AGBL4: variants seen among roughly 807,000 people sequenced by gnomAD.
AGBL4 encodes AGBL carboxypeptidase 4, also known as cytosolic carboxypeptidase 6.
AGBL4 carries 58 observed loss-of-function variants against 66.4 expected under a neutral mutation model. The observed-to-expected ratio is 0.87, with a 90% CI of 0.71 to 1.09. The LOEUF is 1.09. Among genes scored for constraint, AGBL4 ranks in the 50% least tolerant of loss-of-function variants. AGBL4 has a pLI of 0.00. For missense variants in AGBL4, 579 were observed against 631.0 expected (o/e 0.92, Z 0.88); for synonymous variants, 234 against 222.9 (o/e 1.05, Z -0.44).
intron 6 of AGBL4, among the ~76,000 whole-genome samples, chr1:48,826,457 C>A (rs1022198200): frequency 2.6e-5 from 4 of 152,314 alleles, no homozygotes; most frequent in East Asian, 3.9e-4. Context: ...CAGTCCACCA[C>A]CTGGTTCCTT....
At chr1:49,796,824 AT>A (rs1644742119) in intron 2 of AGBL4, among the ~76,000 whole-genome samples, 1 of 152,002 alleles carries the variant, frequency 6.6e-6, no homozygotes, top group African/African-American at 2.4e-5. Context: ...TTATTTCAAT[AT>A]TTAAAAGTGA....
At chr1:48,629,116 G>C (rs1557839285) in intron 9 of AGBL4, among the ~76,000 whole-genome samples, 1 of 152,098 alleles carries the variant, frequency 6.6e-6, no homozygotes, top group Non-Finnish European at 1.5e-5. Context: ...TCAAACACTG[G>C]GTGCACCTGA....
intron 3 of AGBL4, among the ~76,000 whole-genome samples, chr1:49,539,058 T>C (rs1009510109): frequency 1.3e-5 from 2 of 152,130 alleles, no homozygotes; most frequent in African/African-American, 2.4e-5. Context: ...AAATTTCAAA[T>C]AGTAAGTCTC....
chr1:49,732,633 A>G (rs1649542459), intron 2 of AGBL4, among the ~76,000 whole-genome samples: 1 of 152,216 alleles, frequency 6.6e-6, no homozygotes, highest in Non-Finnish European at 1.5e-5. Context: ...AATAACTAGA[A>G]TAAAAATTCA....
intron 5 of AGBL4, among the ~76,000 whole-genome samples, chr1:48,943,758 TTTG>T (rs61662632): frequency 3.0e-4 from 45 of 151,172 alleles, no homozygotes; most frequent in East Asian, 7.8e-4. Context: ...TGGGTGGTTG[TTTG>T]TTGTTGTTGT....
intron 6 of AGBL4, among the ~76,000 whole-genome samples, chr1:48,812,856 A>T (rs1281046271): frequency 9.9e-5 from 15 of 151,268 alleles, no homozygotes; most frequent in Non-Finnish European, 1.6e-4. Context: ...AAACTATCGC[A>T]AGGACAAAAA....
intron 4 of AGBL4, among the ~76,000 whole-genome samples, chr1:49,200,166 A>T (rs1031375826): frequency 6.6e-6 from 1 of 152,120 alleles, no homozygotes; most frequent in Non-Finnish European, 1.5e-5. Context: ...CCTGCTCACC[A>T]CTTAATTTGT....
intron 4 of AGBL4, among the ~76,000 whole-genome samples, chr1:49,157,251 A>T (rs916443239): frequency 1.4e-5 from 2 of 147,188 alleles, no homozygotes; most frequent in African/African-American, 5.0e-5. Flanking sequence ...CACCCCCCAG[A>T]AGGCCCCAGT....
intron 1 of AGBL4, chr1:49,994,430 G>A (rs1660202252): frequency 6.6e-6 from 1 of 151,878 alleles, no homozygotes; most frequent in African/African-American, 2.4e-5. Flanking sequence ...TAAAAACTGA[G>A]GGCAGAGGTG....
intron 1 of AGBL4, among the ~76,000 whole-genome samples, chr1:49,884,154 G>A (rs778191429): frequency 6.6e-6 from 1 of 151,920 alleles, no homozygotes; most frequent in Non-Finnish European, 1.5e-5. Flanking sequence ...AGCAAAGGCA[G>A]CATGAATTAC....
At chr1:48,797,530 G>A (rs1645714117) in intron 6 of AGBL4, among the ~76,000 whole-genome samples, 1 of 152,070 alleles carries the variant, frequency 6.6e-6, no homozygotes. Context: ...CTCCATCCAG[G>A]TTGCTGTCAA....
intron 4 of AGBL4, among the ~76,000 whole-genome samples, chr1:49,053,816 C>G (rs1186666712): frequency 6.6e-6 from 1 of 152,058 alleles, no homozygotes. Context: ...ATAATAAATA[C>G]ATAACGTGTA....
At chr1:49,239,311 A>G (rs1252777383) in intron 4 of AGBL4, among the ~76,000 whole-genome samples, 2 of 152,184 alleles carry the variant, frequency 1.3e-5, no homozygotes, top group African/African-American at 2.4e-5. Context: ...GAGAACATGT[A>G]TAACAGGAGT....
At chr1:49,003,126 G>T (rs576628137) in intron 5 of AGBL4, among the ~76,000 whole-genome samples, 1 of 152,346 alleles carries the variant, frequency 6.6e-6, no homozygotes, top group South Asian at 2.1e-4. Context: ...GGCCAGGCAC[G>T]TTGGTGCACG....
intron 3 of AGBL4, among the ~76,000 whole-genome samples, chr1:49,535,722 C>T (rs1350711144): frequency 6.6e-6 from 1 of 152,076 alleles, no homozygotes; most frequent in Non-Finnish European, 1.5e-5. Flanking sequence ...GACGGAGTCT[C>T]CCTCTGTCCT....
chr1:49,836,125 T>A (rs1645842480), intron 2 of AGBL4, among the ~76,000 whole-genome samples: 1 of 152,204 alleles, frequency 6.6e-6, no homozygotes, highest in African/African-American at 2.4e-5. Flanking sequence ...TACTGGCCTG[T>A]CTTGCTAGGT....
intron 1 of AGBL4, among the ~76,000 whole-genome samples, chr1:49,922,823 C>CCAT (rs1652388646): frequency 6.6e-6 from 1 of 152,076 alleles, no homozygotes; most frequent in African/African-American, 2.4e-5. Context: ...ATGACACACA[C>CCAT]AAATGGAAAA....
intron 3 of AGBL4, among the ~76,000 whole-genome samples, chr1:49,284,711 G>A (rs1445766231): frequency 6.6e-6 from 1 of 151,924 alleles, no homozygotes; most frequent in South Asian, 2.1e-4. Flanking sequence ...AAAAAAGGCA[G>A]GGGTTGCAAT....
At chr1:49,805,583 A>C (rs1221257226) in intron 2 of AGBL4, among the ~76,000 whole-genome samples, 1 of 152,240 alleles carries the variant, frequency 6.6e-6, no homozygotes, top group Non-Finnish European at 1.5e-5. Flanking sequence ...TGCTGAGGTG[A>C]TGTCCTTGAG....
Sources: gnomAD v4.1 joint callset for allele counts (sites outside exome capture counted in the v4.1 genomes callset) on GRCh38, gnomAD v4.1.1 for gene constraint, MANE v1.5 for transcripts, NCBI Gene and HGNC (gene_info 2026-07-23, HGNC 2026-07-21) for gene names.